TECPR2: variants seen among roughly 807,000 people sequenced by gnomAD.
TECPR2 encodes the protein tectonin beta-propeller repeat-containing protein 2.
Under a neutral mutation model 138.1 loss-of-function variants are expected in TECPR2, and 65 were observed. The ratio of observed to expected loss-of-function variants is 0.47; its 90% confidence interval spans 0.39 to 0.58. The LOEUF (loss-of-function observed/expected upper bound fraction) is 0.58. Among genes scored for constraint, TECPR2 ranks in the 20% least tolerant of loss-of-function variants. TECPR2 has a pLI of 0.00. For missense variants in TECPR2, 1,553 were observed against 1,824.5 expected (o/e 0.85, Z 2.71); for synonymous variants, 746 against 749.8 (o/e 0.99, Z 0.08).
chr14:102,414,855 A>G, intron 5 of TECPR2, 62 bp downstream of exon 5: 4 of 1,574,898 alleles, frequency 2.5e-6, no homozygotes, highest in Non-Finnish European at 3.5e-6. Flanking sequence ...AAGGTGCTTT[A>G]GGGTTTCTTA....
chr14:102,410,980 C>A (rs926648250), intron 4 of TECPR2, among the ~76,000 whole-genome samples: 1 of 152,426 alleles, frequency 6.6e-6, no homozygotes, highest in South Asian at 2.1e-4. Context: ...ACCTTTTATA[C>A]CTGTTTTTCT....
chr14:102,392,331 C>T (rs1888200803), intron 2 of TECPR2, among the ~76,000 whole-genome samples: 1 of 152,110 alleles, frequency 6.6e-6, no homozygotes, highest in South Asian at 2.1e-4. Context: ...TTTATGTTCT[C>T]TCTTCTATGT....
chr14:102,456,117 G>A (rs925553906), intron 16 of TECPR2, among the ~76,000 whole-genome samples: 10 of 152,142 alleles, frequency 6.6e-5, no homozygotes, highest in Non-Finnish European at 1.5e-4. Context: ...GAGGATGCAC[G>A]GGGCATCCCG....
chr14:102,371,143 G>GC (rs1345358209), intron 1 of TECPR2, among the ~76,000 whole-genome samples: 2 of 152,106 alleles, frequency 1.3e-5, no homozygotes, highest in Non-Finnish European at 2.9e-5. Flanking sequence ...AGTATCATTA[G>GC]CCACTCATTG....
chr14:102,364,520 G>C (rs976841221), intron 1 of TECPR2, among the ~76,000 whole-genome samples: 1 of 152,150 alleles, frequency 6.6e-6, no homozygotes, highest in African/African-American at 2.4e-5. Flanking sequence ...GCAGGTGTAG[G>C]GGACACACAA....
chr14:102,367,994 C>CTTTTT (rs56325877), intron 1 of TECPR2, among the ~76,000 whole-genome samples: 5 of 65,836 alleles, frequency 7.6e-5, no homozygotes, highest in South Asian at 5.0e-4. Flanking sequence ...GCTTATTGGC[C>CTTTTT]TTTTTTTTTT....
At chr14:102,393,747 A>G (rs1888242331) in intron 2 of TECPR2, among the ~76,000 whole-genome samples, 1 of 152,118 alleles carries the variant, frequency 6.6e-6, no homozygotes, top group East Asian at 1.9e-4. Flanking sequence ...TTTAGTAGAG[A>G]TGGGGTTTCT....
chr14:102,408,549 C>G lies in TECPR2; in HGVS notation c.410C>G (p.Pro137Arg), dbSNP rs764119429. 1 of 1,613,456 alleles carries G rather than the reference C, an allele frequency of 6.2e-7. No individual in the cohort carries two copies. Among genetic ancestry groups the G allele is most frequent in the South Asian group, 1.1e-5 (1 of 90,908 alleles). Residue 137 changes from proline (P) to arginine (R), a missense_variant, in exon 4 of 20, where the codon CCC becomes CGC. Transcript: ENST00000359520. ...AGCATTACAGCTCTGGCTTGGAGCC[C>G]CAATGGAATGAAATTGTTCTCTGGA... ...KNSITALAWS[P>R]NGMKLFSGDD...
At chr14:102,456,408 A>G (rs1457176608) in intron 16 of TECPR2, among the ~76,000 whole-genome samples, 1 of 152,072 alleles carries the variant, frequency 6.6e-6, no homozygotes, top group Non-Finnish European at 1.5e-5. Context: ...ACATCCTGAG[A>G]GAATGCAGCA....
chr14:102,464,674 T>C (rs1309043981), intron 16 of TECPR2, among the ~76,000 whole-genome samples: 1 of 152,368 alleles, frequency 6.6e-6, no homozygotes, highest in East Asian at 1.9e-4. Context: ...TGTGTGCCAC[T>C]GTGCCCAGTC....
chr14:102,365,489 A>T (rs546199485), intron 1 of TECPR2, among the ~76,000 whole-genome samples: 1 of 152,290 alleles, frequency 6.6e-6, no homozygotes, highest in African/African-American at 2.4e-5. Flanking sequence ...AAGCTGATGG[A>T]TGCACAAACA....
chr14:102,483,394 G>GT (rs1567360524), intron 17 of TECPR2, among the ~76,000 whole-genome samples: 11 of 149,050 alleles, frequency 7.4e-5, no homozygotes, highest in Non-Finnish European at 1.3e-4. Context: ...ATGTTTTTGT[G>GT]TGTTGTTGTT....
At chr14:102,485,143 G>A (rs1485324483) in intron 17 of TECPR2, among the ~76,000 whole-genome samples, 4 of 152,194 alleles carry the variant, frequency 2.6e-5, no homozygotes, top group Non-Finnish European at 5.9e-5. Flanking sequence ...TCACCTCCAC[G>A]GTTCTGGTAT....
rs187010321 is a variant in TECPR2 at position 102,422,141 on chromosome 14, C to T, written c.639-2838C>T. Among the ~76,000 whole-genome samples, 441 of 152,188 alleles carry T rather than the reference C, an allele frequency of 2.9e-3. 3 individuals carry two copies. The highest frequency in any genetic ancestry group is 4.5e-3 in the Non-Finnish European group (304 of 68,008). ...GCCCACCAACTGCATCCTGAGTGTC[C>T]GTGACAGACTCTGACACCTGTGGGC... On this transcript the variant is annotated intron_variant, in intron 5 of 19. Transcript: ENST00000359520.
At chr14:102,472,052 C>T (rs1890663800) in intron 17 of TECPR2, among the ~76,000 whole-genome samples, 1 of 152,222 alleles carries the variant, frequency 6.6e-6, no homozygotes, top group Non-Finnish European at 1.5e-5. Flanking sequence ...GCGAGATTTG[C>T]AGGATGTGTT....
intron 9 of TECPR2, chr14:102,437,046 G>A (rs1482338889): frequency 1.0e-6 from 1 of 985,314 alleles, no homozygotes; most frequent in Non-Finnish European, 1.2e-6. Flanking sequence ...GGGAAGCCAA[G>A]AAATTTTATG....
rs141258812 is a variant in TECPR2 at position 102,369,089 on chromosome 14, T to C, written c.-73+5973T>C. Among the ~76,000 whole-genome samples the C allele has an allele frequency of 2.3e-3, 349 of 152,318 alleles. 3 individuals carry two copies. Among genetic ancestry groups the C allele is most frequent in the African/African-American group, 7.9e-3 (330 of 41,588 alleles). On this transcript the variant is annotated intron_variant, in intron 1 of 19. Transcript: ENST00000359520. The stretch of plus-strand genomic sequence containing the variant: ...AAGTTGCTTTTGGTAGGATTATCAC[T>C]GAGTGTGCCAAGGAGATGGTCAGGG...
rs149022686 is a variant in TECPR2 at position 102,434,838 on chromosome 14, C to T, written c.2021C>T (p.Pro674Leu). 4.0e-5 allele frequency: 64 copies of T among 1,613,434 alleles called. No homozygotes were observed. The African/African-American group carries it at 7.9e-4, about 20-fold the overall frequency. Residue 674 changes from proline (P) to leucine (L), a missense_variant, in exon 9 of 20, where the codon CCC becomes CTC. Physicochemically the swap from Pro to Leu is moderately conservative, Grantham distance 98. Coordinates refer to ENST00000359520, the MANE Select transcript of TECPR2 (RefSeq NM_014844.5). The part of the protein sequence containing the change: ...LPGTRADEGS[P>L]VEPSQEQDIL... ...GGGACCAGAGCTGATGAAGGCAGCC[C>T]CGTGGAGCCCAGCCAAGAGCAGGAC...
chr14:102,407,079 C>T (rs1206377560), intron 2 of TECPR2, among the ~76,000 whole-genome samples: 1 of 152,180 alleles, frequency 6.6e-6, no homozygotes, highest in African/African-American at 2.4e-5. Flanking sequence ...AGGCTGGTCT[C>T]GAACTCCTGA....
Sources: allele counts gnomAD v4.1 joint callset (sites outside exome capture counted in the v4.1 genomes callset), GRCh38; gene constraint gnomAD v4.1.1; transcripts MANE v1.5; gene names NCBI Gene and HGNC (gene_info 2026-07-23, HGNC 2026-07-21).